ASH1L: variants seen among roughly 807,000 people sequenced by gnomAD.
ASH1L encodes ASH1 like histone lysine methyltransferase, also known as histone-lysine N-methyltransferase ASH1L.
ASH1L carries 23 observed loss-of-function variants against 269.0 expected under a neutral mutation model. The observed-to-expected ratio is 0.09, with a 90% CI of 0.06 to 0.12. The LOEUF (loss-of-function observed/expected upper bound fraction) is 0.12. Ranked by LOEUF, ASH1L falls within the 10% of genes least tolerant of loss-of-function variation. The pLI is 1.00. For missense variants in ASH1L, 2,912 were observed against 3,567.8 expected (o/e 0.82, Z 4.68); for synonymous variants, 1,187 against 1,253.5 (o/e 0.95, Z 1.12).
At chr1:155,354,758 G>A (rs1654223659) in intron 15 of ASH1L, 128 bp from the exon 16 acceptor site, 1 of 797,270 alleles carries the variant, frequency 1.3e-6, no homozygotes, top group Admixed American at 3.3e-5. Flanking sequence ...AATTATATGG[G>A]CAAAGCATTA....
chr1:155,385,259 G>A (rs909408617), intron 7 of ASH1L, among the ~76,000 whole-genome samples: 3 of 152,128 alleles, frequency 2.0e-5, no homozygotes, highest in Admixed American at 6.6e-5. Context: ...TCTGGCCAAC[G>A]TGGTAAAACC....
At chr1:155,482,523 C>T (rs1400631641) in intron 2 of ASH1L, 74 bp from the exon 3 acceptor site, 11 of 1,424,408 alleles carry the variant, frequency 7.7e-6, no homozygotes, top group Non-Finnish European at 1.0e-5. Flanking sequence ...AACAATCCAA[C>T]AAACTAATGG....
At chr1:155,527,999 C>G (rs775720274) in intron 1 of ASH1L, among the ~76,000 whole-genome samples, 5 of 152,118 alleles carry the variant, frequency 3.3e-5, no homozygotes, top group Non-Finnish European at 7.4e-5. Context: ...CCCAAATGAC[C>G]AGATCCAGTC....
intron 2 of ASH1L, among the ~76,000 whole-genome samples, chr1:155,482,906 AG>A (rs1666056180): frequency 6.6e-6 from 1 of 152,214 alleles, no homozygotes; most frequent in Admixed American, 6.5e-5. Context: ...CTAAACCTAT[AG>A]AAGACAATCC....
chr1:155,502,482 T>C (rs188509910), intron 2 of ASH1L, among the ~76,000 whole-genome samples: 149 of 152,338 alleles, frequency 9.8e-4, no homozygotes, highest in African/African-American at 3.5e-3. Flanking sequence ...GTTTTATGCT[T>C]ACAGATCTTT....
At chr1:155,423,483 T>G (rs2044693750) in intron 5 of ASH1L, among the ~76,000 whole-genome samples, 1 of 151,892 alleles carries the variant, frequency 6.6e-6, no homozygotes, top group African/African-American at 2.4e-5. Context: ...GTCGGGGAAT[T>G]GCTGGAACCC....
At chr1:155,383,111 T>C (rs1286956613) in intron 7 of ASH1L, among the ~76,000 whole-genome samples, 1 of 152,264 alleles carries the variant, frequency 6.6e-6, no homozygotes, top group East Asian at 1.9e-4. Flanking sequence ...GAAAATATTT[T>C]CTTGTACAGC....
rs116805741 is a variant in ASH1L, at chr1:155,472,660, A to G, written c.4984+5226T>C. On this transcript the variant is annotated intron_variant, in intron 3 of 27. Transcript: ENST00000392403. ...GGACTGTGGCGAACAAAAGAATACA[A>G]GCAGCAATGAAAAAGGGCCTGCCAA... Among the ~76,000 whole-genome samples, 362 of 152,330 alleles carry G rather than the reference A, an allele frequency of 2.4e-3. 1 individual carries two copies. The highest frequency in any genetic ancestry group is 8.3e-3 in the African/African-American group (345 of 41,582).
At chr1:155,357,918 G>A (rs1353032991) in intron 13 of ASH1L, among the ~76,000 whole-genome samples, 169 bp from the exon 14 acceptor site, 1 of 151,978 alleles carries the variant, frequency 6.6e-6, no homozygotes, top group African/African-American at 2.4e-5. Context: ...TTACAGGTGC[G>A]TGCCACTATG....
chr1:155,371,030 C>A, intron 10 of ASH1L, 47 bp from the exon 11 acceptor site: 1 of 1,503,890 alleles, frequency 6.6e-7, no homozygotes, highest in Non-Finnish European at 9.1e-7. Flanking sequence ...TGATACATAC[C>A]TTGATGCATC....
chr1:155,512,748 A>G (rs1668246733), intron 2 of ASH1L, among the ~76,000 whole-genome samples: 1 of 151,904 alleles, frequency 6.6e-6, no homozygotes, highest in East Asian at 2.0e-4. Context: ...AAAAAACAAA[A>G]AAACACATAT....
intron 21 of ASH1L, among the ~76,000 whole-genome samples, chr1:155,344,989 G>C (rs1213350139): frequency 2.0e-5 from 3 of 151,544 alleles, no homozygotes; most frequent in African/African-American, 7.3e-5. Context: ...ATGGAGTCTC[G>C]CTCTGTTGGC....
At chr1:155,428,176 C>T (rs1439369083) in intron 5 of ASH1L, among the ~76,000 whole-genome samples, 2 of 152,246 alleles carry the variant, frequency 1.3e-5, no homozygotes, top group East Asian at 1.9e-4. Flanking sequence ...CAGTGGCTCA[C>T]GCCTGTAATC....
chr1:155,488,889 A>G (rs1398804396), intron 2 of ASH1L, among the ~76,000 whole-genome samples: 1 of 152,108 alleles, frequency 6.6e-6, no homozygotes, highest in Admixed American at 6.6e-5. Context: ...GTCCACATAT[A>G]AAATACTCTC....
intron 19 of ASH1L, among the ~76,000 whole-genome samples, chr1:155,349,068 A>C (rs549356588): frequency 6.6e-6 from 1 of 152,074 alleles, no homozygotes; most frequent in African/African-American, 2.4e-5. Context: ...ATAAAGGTTT[A>C]ATACTAAATT....
At chr1:155,483,435 T>A (rs1219234025) in intron 2 of ASH1L, among the ~76,000 whole-genome samples, 1 of 152,084 alleles carries the variant, frequency 6.6e-6, no homozygotes, top group Non-Finnish European at 1.5e-5. Context: ...ATACCAAATA[T>A]CATTTTTCAA....
At chr1:155,432,807 C>T (rs961505855) in intron 5 of ASH1L, among the ~76,000 whole-genome samples, 2 of 152,176 alleles carry the variant, frequency 1.3e-5, no homozygotes, top group Admixed American at 6.6e-5. Context: ...ACAATCTAGG[C>T]TCACTGCAAC....
chr1:155,409,236 G>A (rs1372516015), intron 6 of ASH1L, among the ~76,000 whole-genome samples: 4 of 152,114 alleles, frequency 2.6e-5, no homozygotes, highest in Non-Finnish European at 4.4e-5. Flanking sequence ...ATGTTGGCCA[G>A]GGTGTTCTTG....
intron 7 of ASH1L, among the ~76,000 whole-genome samples, chr1:155,381,174 A>G (rs1656909822): frequency 1.3e-5 from 2 of 152,180 alleles, no homozygotes; most frequent in African/African-American, 4.8e-5. Flanking sequence ...ATAATACATA[A>G]TACTTGATAA....
Sources: allele counts gnomAD v4.1 joint callset (sites outside exome capture counted in the v4.1 genomes callset), GRCh38; gene constraint gnomAD v4.1.1; transcripts MANE v1.5; gene names NCBI Gene and HGNC (gene_info 2026-07-23, HGNC 2026-07-21).